NFILZ: variants seen among roughly 807,000 people sequenced by gnomAD.
NFILZ encodes the protein NFIL3 like protein.
intron 3 of NFILZ, among the ~76,000 whole-genome samples, chr19:8,654,788 C>G (rs781917017): frequency 1.3e-5 from 2 of 152,196 alleles, no homozygotes; most frequent in East Asian, 3.8e-4. Context: ...GGGTGAATCT[C>G]AACCCCAGCC....
At chr19:8,662,221 G>T (rs1354515160) in intron 3 of NFILZ, among the ~76,000 whole-genome samples, 1 of 151,382 alleles carries the variant, frequency 6.6e-6, no homozygotes, top group African/African-American at 2.4e-5. Context: ...AAAAAAAAAG[G>T]TGAAAAAGTA....
chr19:8,649,975 C>T (rs909760630), intron 3 of NFILZ, among the ~76,000 whole-genome samples: 7 of 151,924 alleles, frequency 4.6e-5, no homozygotes, highest in Admixed American at 2.6e-4. Context: ...ATTAGCCGGT[C>T]TTGGTCGTGG....
chr19:8,638,884 C>T (rs1568417554), intron 3 of NFILZ, among the ~76,000 whole-genome samples: 1 of 148,266 alleles, frequency 6.7e-6, no homozygotes, highest in Non-Finnish European at 1.5e-5. Flanking sequence ...CGCTCTGTTG[C>T]CCAGACTGGA....
intron 3 of NFILZ, among the ~76,000 whole-genome samples, chr19:8,642,886 G>A (rs1292021793): frequency 6.6e-6 from 1 of 151,348 alleles, no homozygotes; most frequent in African/African-American, 2.4e-5. Flanking sequence ...TCCCCAATCT[G>A]TCACACATGT....
rs530298351 is a variant in NFILZ at position 8,678,419 on chromosome 19, T to A, written c.*784T>A. On this transcript the variant is annotated 3_prime_UTR_variant, in exon 6 of 6. Transcript: ENST00000691075. ...ACCCATCCACCTATCTATGCATGCA[T>A]CCATCCATCCTCATCCACTCATCCA... Among the ~76,000 whole-genome samples the A allele has an allele frequency of 6.6e-6, 1 of 151,968 alleles. No individual in the cohort carries two copies. Among genetic ancestry groups the A allele is most frequent in the African/African-American group, 2.4e-5 (1 of 41,446 alleles).
At chr19:8,652,997 TTCCTTC>T (rs2042973319) in intron 3 of NFILZ, among the ~76,000 whole-genome samples, 272 of 20,516 alleles carry the variant, frequency 0.013, no homozygotes, top group Non-Finnish European at 0.02. Context: ...CCTTCCTTCC[TTCCTTC>T]CTTCCTTCCT....
rs1271634128 is a variant in NFILZ, at chr19:8,678,380, CCATT to C, written c.*753_*756del. Reference sequence around the variant, plus strand: ...TTTTTCCTTCTATCTATCCATCCATCCATTCATTCATCCACCCATCCACCTATCT... The same window carrying C: ...TTTTTCCTTCTATCTATCCATCCATCCATTCATCCACCCATCCACCTATCT... On this transcript the variant is annotated 3_prime_UTR_variant, in exon 6 of 6. Coordinates refer to ENST00000691075, the MANE Select transcript of NFILZ (RefSeq NM_001378600.1). Among the ~76,000 whole-genome samples, 3 of 151,774 alleles carry C rather than the reference CCATT, an allele frequency of 2.0e-5. No homozygotes were observed. The highest frequency in any genetic ancestry group is 6.6e-5 in the Admixed American group (1 of 15,248).
Position 8,678,462 on chromosome 19 carries a change from A to G in NFILZ, c.*827A>G, listed in dbSNP as rs1193548489. Among the ~76,000 whole-genome samples, 1 of 149,592 alleles carries G rather than the reference A, an allele frequency of 6.7e-6. No homozygotes were observed. Among genetic ancestry groups the G allele is most frequent in the Non-Finnish European group, 1.5e-5 (1 of 67,530 alleles). On this transcript the variant is annotated 3_prime_UTR_variant, in exon 6 of 6. Transcript: ENST00000691075. Reference sequence around the variant, plus strand: ...CTCATCCACCCATCCTCACCTATCCATCCATCCACCCATTCTTTCTTGCTT... The same window carrying G: ...CTCATCCACCCATCCTCACCTATCCGTCCATCCACCCATTCTTTCTTGCTT...
Position 8,679,668 on chromosome 19 carries a change from C to G in NFILZ, c.*2033C>G, listed in dbSNP as rs1385810140. On this transcript the variant is annotated 3_prime_UTR_variant, in exon 6 of 6. Transcript: ENST00000691075. Reference sequence around the variant, plus strand: ...GTAGGACCTCCTCTACTTGCTCAGCCTTTGGTTCTGGTCCAGGGCAGGGAT... The same window carrying G: ...GTAGGACCTCCTCTACTTGCTCAGCGTTTGGTTCTGGTCCAGGGCAGGGAT... Among the ~76,000 whole-genome samples the G allele has an allele frequency of 6.6e-6, 1 of 152,112 alleles. No homozygotes were observed. The highest frequency in any genetic ancestry group is 1.5e-5 in the Non-Finnish European group (1 of 68,032).
chr19:8,656,578 C>T (rs898299596), intron 3 of NFILZ, among the ~76,000 whole-genome samples: 2 of 151,164 alleles, frequency 1.3e-5, no homozygotes, highest in Non-Finnish European at 3.0e-5. Context: ...GCTCCAACCT[C>T]CTGTCCTGCC....
At chr19:8,652,390 A>G (rs1555747794) in intron 3 of NFILZ, among the ~76,000 whole-genome samples, 1 of 152,198 alleles carries the variant, frequency 6.6e-6, no homozygotes, top group African/African-American at 2.4e-5. Context: ...GGCTTGAGCC[A>G]CCGCTCCTGG....
At chr19:8,636,522 G>A (rs1245210846) in intron 3 of NFILZ, among the ~76,000 whole-genome samples, 1 of 138,262 alleles carries the variant, frequency 7.2e-6, no homozygotes, top group Non-Finnish European at 1.5e-5. Context: ...TCGGCTCACC[G>A]CAACCTCTGC....
chr19:8,661,749 A>G (rs2043032804), intron 3 of NFILZ, among the ~76,000 whole-genome samples: 1 of 152,088 alleles, frequency 6.6e-6, no homozygotes, highest in African/African-American at 2.4e-5. Flanking sequence ...AAAATTAGCC[A>G]GGCATGGTGG....
intron 3 of NFILZ, among the ~76,000 whole-genome samples, chr19:8,664,130 G>A (rs564823584): frequency 1.3e-5 from 2 of 152,300 alleles, no homozygotes; most frequent in South Asian, 2.1e-4. Context: ...ATCAGACCCC[G>A]TGAGCCCTGG....
chr19:8,672,610 G>T (rs2043093455), intron 3 of NFILZ, among the ~76,000 whole-genome samples: 1 of 130,716 alleles, frequency 7.7e-6, no homozygotes, highest in South Asian at 2.7e-4. Context: ...AAAAATCCAT[G>T]CATTTATTAG....
chr19:8,656,258 C>T (rs2042993068), intron 3 of NFILZ, among the ~76,000 whole-genome samples: 1 of 138,012 alleles, frequency 7.2e-6, no homozygotes, highest in South Asian at 2.3e-4. Flanking sequence ...CCACGCAGCC[C>T]ATCTTCTCTC....
rs1338991478 is a variant in NFILZ at position 8,650,114 on chromosome 19, G to GA, written c.-164+14380dup. On this transcript the variant is annotated intron_variant, in intron 3 of 5. Coordinates refer to ENST00000691075, the MANE Select transcript of NFILZ (RefSeq NM_001378600.1). ...TGGCCAGCTGAGCAAGACTCCGTCT[G>GA]AAAAAAAAAAAATTGGTTCCAAAAA... Among the ~76,000 whole-genome samples, 1,217 of 139,362 alleles carry GA rather than the reference G, an allele frequency of 8.7e-3. 14 individuals are homozygous for GA. Among genetic ancestry groups the GA allele is most frequent in the African/African-American group, 0.028 (1,062 of 38,270 alleles). The allele number at this position is 139,362 out of a possible 152,430, so 91.4% of individuals were successfully genotyped here.
chr19:8,671,074 T>A (rs781952676), intron 3 of NFILZ, among the ~76,000 whole-genome samples: 67 of 151,750 alleles, frequency 4.4e-4, no homozygotes, highest in Admixed American at 1.6e-3. Context: ...CAGAACATTC[T>A]CTCTAGTGAC....
At chr19:8,651,819 C>A (rs1555747742) in intron 3 of NFILZ, among the ~76,000 whole-genome samples, 1 of 152,136 alleles carries the variant, frequency 6.6e-6, no homozygotes, top group East Asian at 1.9e-4. Context: ...AGGTGTGAAC[C>A]ACTGTGCCCG....
Sources: allele counts gnomAD v4.1 joint callset (sites outside exome capture counted in the v4.1 genomes callset), GRCh38; gene constraint gnomAD v4.1.1; transcripts MANE v1.5; gene names NCBI Gene and HGNC (gene_info 2026-07-23, HGNC 2026-07-21).